ARHGAP15: variants seen among roughly 807,000 people sequenced by gnomAD.
ARHGAP15 encodes Rho GTPase activating protein 15.
Under a neutral mutation model 63.7 loss-of-function variants are expected in ARHGAP15, and 51 were observed. That is an observed-to-expected ratio of 0.80 (90% CI 0.64 to 1.01). The LOEUF is 1.01. Ranked by LOEUF, ARHGAP15 falls within the 50% of genes least tolerant of loss-of-function variation. The pLI is 0.00. For synonymous variants in ARHGAP15, 191 were observed against 193.8 expected (o/e 0.99, Z 0.12); for missense variants, 560 against 564.6 (o/e 0.99, Z 0.08).
intron 6 of ARHGAP15, among the ~76,000 whole-genome samples, chr2:143,428,650 T>C (rs986443233): frequency 6.6e-6 from 1 of 152,102 alleles, no homozygotes; most frequent in African/African-American, 2.4e-5. Flanking sequence ...TACATAATGT[T>C]TCCTCGTGGG....
chr2:143,555,642 T>C (rs962338124), intron 10 of ARHGAP15, among the ~76,000 whole-genome samples: 22 of 152,242 alleles, frequency 1.4e-4, no homozygotes, highest in African/African-American at 5.3e-4. Context: ...CAGGATAAGT[T>C]ATTTTGAATT....
chr2:143,636,501 G>A (rs1427637163), intron 12 of ARHGAP15, among the ~76,000 whole-genome samples: 1 of 152,124 alleles, frequency 6.6e-6, no homozygotes, highest in Non-Finnish European at 1.5e-5. Flanking sequence ...GATTTGTGAT[G>A]CTCAGAGCTT....
intron 9 of ARHGAP15, among the ~76,000 whole-genome samples, chr2:143,500,388 A>T (rs910710714): frequency 1.3e-5 from 2 of 152,066 alleles, no homozygotes; most frequent in African/African-American, 4.8e-5. Context: ...TCACATATTC[A>T]TTTTAAAAAA....
chr2:143,685,308 A>G (rs768449143), intron 12 of ARHGAP15, among the ~76,000 whole-genome samples: 5 of 152,228 alleles, frequency 3.3e-5, no homozygotes, highest in Non-Finnish European at 5.9e-5. Flanking sequence ...CACTGCCTGG[A>G]AAGTCCAAGT....
intron 2 of ARHGAP15, among the ~76,000 whole-genome samples, chr2:143,162,747 T>C (rs960667724): frequency 6.6e-6 from 1 of 152,034 alleles, no homozygotes; most frequent in Non-Finnish European, 1.5e-5. Context: ...TTTGGAACCA[T>C]AGTCAATATT....
chr2:143,266,616 TA>T (rs1454623221), intron 6 of ARHGAP15, among the ~76,000 whole-genome samples: 1 of 152,206 alleles, frequency 6.6e-6, no homozygotes, highest in African/African-American at 2.4e-5. Context: ...ATTTCTGAGA[TA>T]ATTTTCTATT....
At chr2:143,391,942 A>G (rs954289081) in intron 6 of ARHGAP15, among the ~76,000 whole-genome samples, 7 of 152,326 alleles carry the variant, frequency 4.6e-5, no homozygotes, top group Admixed American at 3.9e-4. Context: ...ACTTCAGGTC[A>G]CAAAAAAGAA....
intron 11 of ARHGAP15, among the ~76,000 whole-genome samples, chr2:143,620,909 G>T (rs1190066990): frequency 1.3e-5 from 2 of 152,142 alleles, no homozygotes; most frequent in African/African-American, 4.8e-5. Context: ...ATTTTGTCAA[G>T]AATAATTACC....
intron 8 of ARHGAP15, among the ~76,000 whole-genome samples, chr2:143,447,572 G>C (rs553026676): frequency 1.3e-5 from 2 of 152,204 alleles, no homozygotes; most frequent in African/African-American, 4.8e-5. Context: ...GCTTAAACCA[G>C]GACCACTCTA....
At chr2:143,359,031 G>A (rs1480692623) in intron 6 of ARHGAP15, among the ~76,000 whole-genome samples, 1 of 151,680 alleles carries the variant, frequency 6.6e-6, no homozygotes, top group Non-Finnish European at 1.5e-5. Flanking sequence ...ATTCCATTAG[G>A]GTGCGATTGA....
At chr2:143,395,739 T>A (rs1015103685) in intron 6 of ARHGAP15, among the ~76,000 whole-genome samples, 3 of 151,966 alleles carry the variant, frequency 2.0e-5, no homozygotes, top group Non-Finnish European at 2.9e-5. Context: ...GGAGAAAGCA[T>A]GGCATATTTG....
chr2:143,583,463 A>G (rs1696988773), intron 11 of ARHGAP15, among the ~76,000 whole-genome samples: 1 of 152,060 alleles, frequency 6.6e-6, no homozygotes, highest in Non-Finnish European at 1.5e-5. Flanking sequence ...ATTTTTACGA[A>G]CTGTTACTTT....
intron 11 of ARHGAP15, among the ~76,000 whole-genome samples, chr2:143,596,365 A>G (rs986698436): frequency 1.9e-4 from 29 of 152,130 alleles, no homozygotes; most frequent in African/African-American, 5.6e-4. Flanking sequence ...AAAACTTTCA[A>G]TGCATAACAA....
At chr2:143,549,417 G>A (rs181271639) in intron 10 of ARHGAP15, among the ~76,000 whole-genome samples, 61 of 152,308 alleles carry the variant, frequency 4.0e-4, no homozygotes, top group African/African-American at 1.4e-3. Flanking sequence ...CAAACAAATA[G>A]AGAAATGAAA....
At chr2:143,267,925 G>A (rs972887388) in intron 6 of ARHGAP15, among the ~76,000 whole-genome samples, 1 of 152,038 alleles carries the variant, frequency 6.6e-6, no homozygotes, top group Non-Finnish European at 1.5e-5. Flanking sequence ...ATATTAGAAT[G>A]GATCACAGAT....
intron 10 of ARHGAP15, among the ~76,000 whole-genome samples, chr2:143,552,564 G>C (rs945775357): frequency 1.5e-5 from 2 of 134,508 alleles, no homozygotes; most frequent in African/African-American, 6.1e-5. Flanking sequence ...AAAAAAAGTC[G>C]GGGTGGGGAG....
chr2:143,394,136 C>T (rs1355852041), intron 6 of ARHGAP15, among the ~76,000 whole-genome samples: 2 of 152,188 alleles, frequency 1.3e-5, no homozygotes, highest in African/African-American at 4.8e-5. Context: ...TTAATTAGGG[C>T]TTTTCAAATG....
chr2:143,723,024 C>A (rs1685130254), intron 13 of ARHGAP15, among the ~76,000 whole-genome samples: 1 of 152,182 alleles, frequency 6.6e-6, no homozygotes, highest in Non-Finnish European at 1.5e-5. Flanking sequence ...ATGGTGGTCC[C>A]ATGAGATTAT....
In ARHGAP15 at chr2:143,478,922, A is replaced by G. The variant is rs1441092844; in HGVS notation, c.704-8451A>G. 2.0e-5 allele frequency among the ~76,000 whole-genome samples: 3 copies of G among 152,360 alleles called. No homozygotes were observed. In the East Asian group the frequency reaches 5.8e-4, roughly 29 times the overall value. ...TTGTTTGGAAAATTAAGGATACATT[A>G]TAGCATATTCTTTACTAAAGATACA... is the stretch of plus-strand genomic sequence containing the variant. On this transcript the variant is annotated intron_variant, in intron 8 of 13. Coordinates refer to ENST00000295095, the MANE Select transcript of ARHGAP15 (RefSeq NM_018460.4).
Sources: gnomAD v4.1 joint callset for allele counts (sites outside exome capture counted in the v4.1 genomes callset) on GRCh38, gnomAD v4.1.1 for gene constraint, MANE v1.5 for transcripts, NCBI Gene and HGNC (gene_info 2026-07-23, HGNC 2026-07-21) for gene names.